Variants in EPHX2 observed in about 807,000 individuals in gnomAD.
EPHX2 encodes the protein bifunctional epoxide hydrolase 2.
Under a neutral mutation model 78.7 loss-of-function variants are expected in EPHX2, and 74 were observed. That is an observed-to-expected ratio of 0.94 (90% CI 0.78 to 1.14). The LOEUF is 1.14. Among genes scored for constraint, EPHX2 ranks in the 50% most tolerant of loss-of-function variants. EPHX2 has a pLI of 0.00. For synonymous variants in EPHX2, 251 were observed against 255.2 expected (o/e 0.98, Z 0.16); for missense variants, 715 against 702.5 (o/e 1.02, Z -0.20).
At chr8:27,525,690 G>A (rs1270580912) in intron 12 of EPHX2, among the ~76,000 whole-genome samples, 3 of 151,816 alleles carry the variant, frequency 2.0e-5, no homozygotes, top group Non-Finnish European at 2.9e-5. Flanking sequence ...GTGAAGGGCC[G>A]GGGGATGTTG....
chr8:27,491,220 C>T lies in EPHX2; in HGVS notation c.12C>T (p.Arg4=), dbSNP rs1486751009. ...GCAGACCCGCCGCCATGACGCTGCG[C>T]GCGGCCGTCTTCGACCTTGACGGGG... MTL[R]AAVFDLDGVL... is the part of the protein sequence containing the mutation. Residue 4 remains arginine, a synonymous_variant, in exon 1 of 19, where the codon CGC becomes CGT. Transcript: ENST00000521400. 6.3e-7 allele frequency: 1 copy of T among 1,582,426 alleles called. No individual in the cohort carries two copies. Among genetic ancestry groups the T allele is most frequent in the East Asian group, 2.3e-5 (1 of 43,268 alleles).
intron 12 of EPHX2, among the ~76,000 whole-genome samples, chr8:27,526,224 C>T (rs1452108121): frequency 6.6e-6 from 1 of 152,242 alleles, no homozygotes; most frequent in Admixed American, 6.5e-5. Context: ...TCCAGCAAGA[C>T]CACAACCATC....
chr8:27,497,387 C>T (rs1403517778), intron 1 of EPHX2, among the ~76,000 whole-genome samples: 1 of 152,224 alleles, frequency 6.6e-6, no homozygotes, highest in East Asian at 1.9e-4. Flanking sequence ...GCAAAGCACA[C>T]TGATAACAAG....
intron 12 of EPHX2, among the ~76,000 whole-genome samples, chr8:27,527,810 C>T (rs963199484): frequency 6.6e-6 from 1 of 152,210 alleles, no homozygotes; most frequent in Non-Finnish European, 1.5e-5. Flanking sequence ...GTTACAGCTA[C>T]AGCTGTTTTT....
At chr8:27,536,683 G>A (rs1176689969) in intron 12 of EPHX2, 101 bp from the exon 13 acceptor site, 5 of 1,182,092 alleles carry the variant, frequency 4.2e-6, no homozygotes, top group South Asian at 1.3e-5. Flanking sequence ...GGGCTGGATG[G>A]GGCACAGGTA....
chr8:27,510,321 C>T (rs768198909), intron 5 of EPHX2, among the ~76,000 whole-genome samples: 8 of 152,220 alleles, frequency 5.3e-5, no homozygotes, highest in Non-Finnish European at 1.2e-4. Context: ...TATTCACATA[C>T]GTGTCCTCAG....
chr8:27,519,629 C>A (rs748683307), intron 9 of EPHX2, among the ~76,000 whole-genome samples: 2 of 152,190 alleles, frequency 1.3e-5, no homozygotes, highest in Non-Finnish European at 2.9e-5. Flanking sequence ...AGGGTGATGT[C>A]GTGAAGACTG....
chr8:27,501,395 T>TCTTCTTCTTCTTCTTCTTCTTCTTCTTC (rs1563340502), intron 2 of EPHX2, among the ~76,000 whole-genome samples: 1 of 79,146 alleles, frequency 1.3e-5, no homozygotes, highest in Non-Finnish European at 3.1e-5. Context: ...TTCTTCTTCT[T>TCTTCTTCTTCTTCTTCTTCTTCTTCTTC]TCTTCTTTCT....
chr8:27,491,949 T>C (rs1813394940), intron 1 of EPHX2, among the ~76,000 whole-genome samples: 1 of 146,394 alleles, frequency 6.8e-6, no homozygotes, highest in African/African-American at 2.6e-5. Context: ...CTCTTTTTTT[T>C]GTGTTTTTTT....
chr8:27,542,159 T>C (rs766740428), intron 16 of EPHX2, among the ~76,000 whole-genome samples: 15 of 152,182 alleles, frequency 9.9e-5, no homozygotes, highest in Non-Finnish European at 1.9e-4. Context: ...ACCTTGTTGG[T>C]TCACTCTGTA....
chr8:27,500,813 T>C (rs1392067863), intron 1 of EPHX2, 113 bp from the exon 2 acceptor site: 1 of 965,098 alleles, frequency 1.0e-6, no homozygotes, highest in Non-Finnish European at 1.6e-6. Flanking sequence ...TTCCAGTTCC[T>C]GGCAGTATCC....
intron 13 of EPHX2, among the ~76,000 whole-genome samples, chr8:27,538,147 G>T (rs56792735): frequency 0.019 from 2,856 of 152,272 alleles, 79 homozygotes; most frequent in African/African-American, 0.063. Flanking sequence ...TCCCAAGGGG[G>T]TGTCTTTTGG....
intron 6 of EPHX2, among the ~76,000 whole-genome samples, chr8:27,512,274 C>T (rs1325175566): frequency 2.0e-5 from 3 of 152,204 alleles, no homozygotes; most frequent in Admixed American, 6.5e-5. Context: ...TGGCCAAACC[C>T]CCATAGAACA....
At chr8:27,506,420 T>C (rs895729542) in intron 4 of EPHX2, among the ~76,000 whole-genome samples, 3 of 152,240 alleles carry the variant, frequency 2.0e-5, no homozygotes, top group Non-Finnish European at 4.4e-5. Context: ...TCCTTACCAA[T>C]TGGACATGAC....
chr8:27,515,752 C>T lies in EPHX2; in HGVS notation c.770C>T (p.Ser257Phe). 6.2e-7 allele frequency: 1 copy of T among 1,614,110 alleles called. No homozygotes were observed. Among genetic ancestry groups the T allele is most frequent in the Non-Finnish European group, 8.5e-7 (1 of 1,180,040 alleles). ...CGTCTGCATTTTGTGGAGCTGGGCTCCGGCCCTGCTGTGTGCCTCTGCCAT... is the reference window on the plus strand; with the variant it reads ...CGTCTGCATTTTGTGGAGCTGGGCTTCGGCCCTGCTGTGTGCCTCTGCCAT... The part of the protein sequence containing the change: ...RVRLHFVELG[S>F]GPAVCLCHGF... The change falls in exon 7 of 19, where the codon TCC becomes TTC. Residue 257 changes from serine (S) to phenylalanine (F), a missense_variant. Physicochemically the swap from Ser to Phe is radical, Grantham distance 155. Coordinates refer to ENST00000521400, the MANE Select transcript of EPHX2 (RefSeq NM_001979.6).
intron 1 of EPHX2, among the ~76,000 whole-genome samples, chr8:27,495,786 A>G (rs1371134014): frequency 6.6e-6 from 1 of 152,210 alleles, no homozygotes; most frequent in Non-Finnish European, 1.5e-5. Context: ...GGGTTGTCCC[A>G]CGAGTCTGAG....
intron 12 of EPHX2, 31 bp downstream of exon 12, chr8:27,525,504 G>T: frequency 6.4e-7 from 1 of 1,559,228 alleles, no homozygotes; most frequent in Non-Finnish European, 8.9e-7. Flanking sequence ...AACAATGGGA[G>T]CATTAGTGTT....
At chr8:27,515,647 CAGACGCTGTGGGG>C (rs1814419257) in intron 6 of EPHX2, 58 bp from the exon 7 acceptor site, 2 of 1,310,226 alleles carry the variant, frequency 1.5e-6, no homozygotes, top group Non-Finnish European at 2.2e-6. Context: ...TGGCATTCTG[CAGACGCTGTGGGG>C]CCTGGGTCCA....
chr8:27,500,898 T>C lies in EPHX2; in HGVS notation c.102-28T>C, dbSNP rs1813741078. On this transcript the variant is annotated intron_variant, in intron 1 of 18. Coordinates refer to ENST00000521400, the MANE Select transcript of EPHX2 (RefSeq NM_001979.6). ...TGCTGCCATGACAAAATCCACAGAA[T>C]GTTCCTGATGTTCTTTGTGTTTTCC... The C allele has an allele frequency of 1.9e-6, 3 of 1,597,298 alleles. No individual in the cohort carries two copies. The African/African-American group carries it at 4.0e-5, about 21-fold the overall frequency.
Sources: gnomAD v4.1 joint callset for allele counts (sites outside exome capture counted in the v4.1 genomes callset) on GRCh38, gnomAD v4.1.1 for gene constraint, MANE v1.5 for transcripts, NCBI Gene and HGNC (gene_info 2026-07-23, HGNC 2026-07-21) for gene names.